The following CLIC4 variants were observed in gnomAD, a reference collection of about 807,000 sequenced individuals.
CLIC4 encodes the protein chloride intracellular channel protein 4.
Under a neutral mutation model 24.6 loss-of-function variants are expected in CLIC4, and 13 were observed. The ratio of observed to expected loss-of-function variants is 0.53; its 90% CI spans 0.34 to 0.84. CLIC4 has a LOEUF of 0.84. Ranked by LOEUF, CLIC4 falls within the 40% of genes least tolerant of loss-of-function variation. CLIC4 has a pLI of 0.01. For synonymous variants in CLIC4, 104 were observed against 111.3 expected, an observed-to-expected ratio of 0.93 and a Z score of 0.41; for missense variants, 227 against 301.7, an observed-to-expected ratio of 0.75 and a Z score of 1.83.
rs200885545 is a variant in CLIC4, at chr1:24,786,620, A to AT, written c.73-11113dup. Among the ~76,000 whole-genome samples the AT allele has an allele frequency of 1.6e-3, 248 of 151,656 alleles. 1 individual carries two copies. Among genetic ancestry groups the AT allele is most frequent in the African/African-American group, 5.5e-3 (229 of 41,382 alleles). On this transcript the variant is annotated intron_variant, in intron 1 of 5. Transcript: ENST00000374379. ...ATTCGAGTTTAAAAAAATTATTTTTATTTTTTTTTATTTTTCAGACGGAGT... is the reference window on the plus strand; with the variant it reads ...ATTCGAGTTTAAAAAAATTATTTTTATTTTTTTTTTATTTTTCAGACGGAGT...
At chr1:24,803,888 A>G (rs1176466903) in intron 2 of CLIC4, among the ~76,000 whole-genome samples, 3 of 152,192 alleles carry the variant, frequency 2.0e-5, no homozygotes, top group African/African-American at 4.8e-5. Context: ...CCTTATATTT[A>G]AAATCAGGAG....
intron 4 of CLIC4, among the ~76,000 whole-genome samples, chr1:24,837,216 A>G (rs1639894924): frequency 6.6e-6 from 1 of 152,088 alleles, no homozygotes; most frequent in South Asian, 2.1e-4. Context: ...GACAGCAAAA[A>G]CCAATATTGG....
At chr1:24,748,477 A>C (rs540223328) in intron 1 of CLIC4, among the ~76,000 whole-genome samples, 8 of 138,172 alleles carry the variant, frequency 5.8e-5, no homozygotes, top group Non-Finnish European at 1.5e-5. Flanking sequence ...CAAACTTTGC[A>C]CTGATACAGA....
At chr1:24,750,909 TAGAC>T in intron 1 of CLIC4, among the ~76,000 whole-genome samples, 1 of 152,140 alleles carries the variant, frequency 6.6e-6, no homozygotes, top group South Asian at 2.1e-4. Context: ...CCCTACTAGA[TAGAC>T]AGTAAATTCC....
chr1:24,789,983 A>G (rs1639314012), intron 1 of CLIC4, among the ~76,000 whole-genome samples: 1 of 152,226 alleles, frequency 6.6e-6, no homozygotes, highest in Non-Finnish European at 1.5e-5. Context: ...GTGGAGGGAA[A>G]AGGAGAAGGG....
At position 24,833,833 on chromosome 1, in the gene CLIC4, C is replaced by A. The variant is rs1355276749; in HGVS notation, c.416-6027C>A. 2.1e-4 allele frequency among the ~76,000 whole-genome samples: 5 copies of A among 23,464 alleles called. 1 individual carries two copies. The highest frequency in any genetic ancestry group is 1.3e-3 in the African/African-American group (5 of 3,902). The allele number at this position is 23,464 out of a possible 152,430, so 15.4% of individuals were successfully genotyped here. A position where few individuals can be genotyped will look rare whatever the true frequency, so the allele number is the denominator to read the frequency against. On this transcript the variant is annotated intron_variant, in intron 4 of 5. Transcript: ENST00000374379. ...GGCCGGGGCGGCTGGCCGACCCCCC[C>A]CCCCCCCCCCCGCCTCCCTCCCGGA...
In CLIC4 at chr1:24,762,813, A is replaced by G. The variant is rs536200923; in HGVS notation, c.72+17188A>G. Among the ~76,000 whole-genome samples, 6 of 152,294 alleles carry G rather than the reference A, an allele frequency of 3.9e-5. No homozygotes were observed. In the South Asian group the frequency reaches 1.2e-3, roughly 32 times the overall value. ...GGAGTCAGTGTGTAAAGCCAACTCT[A>G]ACAAGAAACTTGGCTATGTAGAAGA... On this transcript the variant is annotated intron_variant, in intron 1 of 5. Coordinates refer to ENST00000374379, the MANE Select transcript of CLIC4 (RefSeq NM_013943.3).
chr1:24,774,492 G>A (rs1243469738), intron 1 of CLIC4, among the ~76,000 whole-genome samples: 2 of 152,030 alleles, frequency 1.3e-5, no homozygotes, highest in African/African-American at 4.8e-5. Flanking sequence ...TATTCTTTCA[G>A]CAATTTAAAA....
intron 2 of CLIC4, among the ~76,000 whole-genome samples, chr1:24,798,800 C>G (rs925451580): frequency 1.3e-5 from 2 of 151,250 alleles, no homozygotes; most frequent in African/African-American, 4.8e-5. Context: ...CGATTGCAGG[C>G]ACGCGCCGCC....
At chr1:24,837,942 T>C (rs1639902205) in intron 4 of CLIC4, among the ~76,000 whole-genome samples, 1 of 152,194 alleles carries the variant, frequency 6.6e-6, no homozygotes, top group Non-Finnish European at 1.5e-5. Flanking sequence ...GGTTTCGGTG[T>C]TCATTTATGT....
chr1:24,792,252 A>G (rs1639349830), intron 1 of CLIC4, among the ~76,000 whole-genome samples: 1 of 151,906 alleles, frequency 6.6e-6, no homozygotes, highest in Non-Finnish European at 1.5e-5. Context: ...ATGTAGTGCT[A>G]TAATCATGGC....
At chr1:24,753,849 A>G (rs1193327012) in intron 1 of CLIC4, among the ~76,000 whole-genome samples, 2 of 152,156 alleles carry the variant, frequency 1.3e-5, no homozygotes, top group African/African-American at 4.8e-5. Flanking sequence ...GGAATTCTTT[A>G]TATTGTTTCA....
intron 5 of CLIC4, 23 bp from the exon 6 acceptor site, chr1:24,840,750 C>T (rs754255326): frequency 6.3e-7 from 1 of 1,578,744 alleles, no homozygotes; most frequent in South Asian, 1.2e-5. Flanking sequence ...AGTCTGTTAA[C>T]TTTTGATCTC....
intron 2 of CLIC4, among the ~76,000 whole-genome samples, chr1:24,811,321 C>G (rs1463426909): frequency 2.0e-5 from 3 of 152,078 alleles, no homozygotes; most frequent in African/African-American, 7.2e-5. Context: ...GAAAATTTTA[C>G]TATATGTGCA....
At chr1:24,838,927 A>C (rs369496334) in intron 4 of CLIC4, among the ~76,000 whole-genome samples, 2 of 152,274 alleles carry the variant, frequency 1.3e-5, no homozygotes, top group East Asian at 3.9e-4. Flanking sequence ...CTGAATCATG[A>C]CAATCAGAGC....
At chr1:24,755,910 C>T (rs1638841741) in intron 1 of CLIC4, among the ~76,000 whole-genome samples, 1 of 151,760 alleles carries the variant, frequency 6.6e-6, no homozygotes, top group African/African-American at 2.4e-5. Context: ...CAACCTCCGC[C>T]TCCTGGTTTC....
At chr1:24,822,132 G>A (rs1328853063) in intron 3 of CLIC4, among the ~76,000 whole-genome samples, 1 of 152,094 alleles carries the variant, frequency 6.6e-6, no homozygotes, top group African/African-American at 2.4e-5. Context: ...TGTTTCATCT[G>A]TTCTCTGCTT....
intron 4 of CLIC4, among the ~76,000 whole-genome samples, chr1:24,837,759 A>G (rs1029759991): frequency 6.6e-6 from 1 of 152,176 alleles, no homozygotes. Context: ...CACACCTGCA[A>G]TCCCAGCACT....
chr1:24,826,727 A>G (rs1639790281), intron 3 of CLIC4, among the ~76,000 whole-genome samples: 1 of 152,234 alleles, frequency 6.6e-6, no homozygotes, highest in Non-Finnish European at 1.5e-5. Flanking sequence ...GAAATCTCTG[A>G]ACAAGTCAAC....
Sources: allele counts gnomAD v4.1 joint callset (sites outside exome capture counted in the v4.1 genomes callset), GRCh38; gene constraint gnomAD v4.1.1; transcripts MANE v1.5; gene names NCBI Gene and HGNC (gene_info 2026-07-23, HGNC 2026-07-21).